Variants in DPY19L4 observed in about 807,000 individuals in gnomAD.
DPY19L4 encodes the protein dpy-19 like 4, also known as probable C-mannosyltransferase DPY19L4.
DPY19L4 carries 97 observed loss-of-function variants against 102.8 expected under a neutral mutation model. The ratio of observed to expected loss-of-function variants is 0.94; its 90% CI spans 0.80 to 1.12. The LOEUF is 1.12. Among genes scored for constraint, DPY19L4 ranks in the 50% most tolerant of loss-of-function variants. The probability of loss-of-function intolerance (pLI) is 0.00; values close to 1 mark genes in which losing one functional copy is unlikely to be tolerated. For missense variants in DPY19L4, 815 were observed against 850.4 expected (o/e 0.96, Z 0.52); for synonymous variants, 252 against 283.1 (o/e 0.89, Z 1.10).
At chr8:94,772,323 A>G (rs1307974496) in intron 13 of DPY19L4, among the ~76,000 whole-genome samples, 1 of 152,174 alleles carries the variant, frequency 6.6e-6, no homozygotes, top group Non-Finnish European at 1.5e-5. Context: ...TACTTCTGTC[A>G]CCAACTGCAA....
In DPY19L4 at chr8:94,790,108, C is replaced by T. The variant is rs1200163138; in HGVS notation, c.*198C>T. On this transcript the variant is annotated 3_prime_UTR_variant, in exon 19 of 19. Coordinates refer to ENST00000414645, the MANE Select transcript of DPY19L4 (RefSeq NM_181787.3). ...ACTGTCCTTTGATTAAATGTGATAT[C>T]TACCACTCTGCAATATTCCAGACAG... The T allele has an allele frequency of 8.4e-6, 4 of 475,712 alleles. No individual in the cohort carries two copies. Among genetic ancestry groups the T allele is most frequent in the African/African-American group, 6.1e-5 (3 of 49,286 alleles). The allele number at this position is 475,712 out of a possible 1,614,324, so 29.5% of individuals were successfully genotyped here. A position where few individuals can be genotyped will look rare whatever the true frequency, so the allele number is the denominator to read the frequency against.
intron 6 of DPY19L4, among the ~76,000 whole-genome samples, chr8:94,747,568 T>C (rs1439396683): frequency 6.8e-6 from 1 of 146,948 alleles, no homozygotes; most frequent in Non-Finnish European, 1.5e-5. Context: ...TTTTTTTTTT[T>C]TTTTTTTTGA....
rs1420876554 is a variant in DPY19L4, at chr8:94,793,552, C to CATT, written c.*3643_*3645dup. The CATT allele has an allele frequency of 1.3e-5, 2 of 152,140 alleles. No individual in the cohort carries two copies. Among genetic ancestry groups the CATT allele is most frequent in the Non-Finnish European group, 2.9e-5 (2 of 68,000 alleles). The allele number at this position is 152,140 out of a possible 1,614,324, so 9.4% of individuals were successfully genotyped here. ...TTTACATCTCAATATATTCTTCTTT[C>CATT]ATTTGCCCAATTTAAAAAATACGTA... On this transcript the variant is annotated 3_prime_UTR_variant, in exon 19 of 19. Coordinates refer to ENST00000414645, the MANE Select transcript of DPY19L4 (RefSeq NM_181787.3).
intron 2 of DPY19L4, among the ~76,000 whole-genome samples, chr8:94,729,592 C>A (rs2130793214): frequency 1.9e-5 from 1 of 52,920 alleles, no homozygotes. Context: ...GAGGAGATTC[C>A]ATCTCAAAAA....
At chr8:94,759,554 T>A (rs1245305701) in intron 7 of DPY19L4, among the ~76,000 whole-genome samples, 1 of 133,536 alleles carries the variant, frequency 7.5e-6, no homozygotes, top group Non-Finnish European at 1.5e-5. Flanking sequence ...TTGCCCAGGC[T>A]AGAGTGCAAT....
intron 1 of DPY19L4, among the ~76,000 whole-genome samples, chr8:94,722,345 T>C (rs1810500183): frequency 6.6e-6 from 1 of 152,024 alleles, no homozygotes; most frequent in Non-Finnish European, 1.5e-5. Context: ...AGGCCGAGGT[T>C]GCAGTGAGAC....
At chr8:94,737,367 G>C (rs937840332) in intron 3 of DPY19L4, among the ~76,000 whole-genome samples, 13 of 151,898 alleles carry the variant, frequency 8.6e-5, no homozygotes, top group Admixed American at 3.3e-4. Context: ...GTAGAGACAG[G>C]GTTTCACCAT....
intron 4 of DPY19L4, 149 bp downstream of exon 4, chr8:94,738,608 G>A (rs575912815): frequency 1.4e-4 from 34 of 247,492 alleles, no homozygotes; most frequent in African/African-American, 7.1e-4. Context: ...TCTGCCTCCC[G>A]GTTCAGGCAA....
At chr8:94,721,724 A>C (rs942006544) in intron 1 of DPY19L4, among the ~76,000 whole-genome samples, 1 of 152,244 alleles carries the variant, frequency 6.6e-6, no homozygotes, top group East Asian at 1.9e-4. Context: ...CAAAATGAAA[A>C]ATTATTTTAG....
At position 94,770,565 on chromosome 8, in the gene DPY19L4, TA is replaced by T. The variant is rs752164058; in HGVS notation, c.1449del (p.Ile483MetfsTer4). 3.1e-6 allele frequency: 5 copies of T among 1,613,212 alleles called. No individual in the cohort carries two copies. Among genetic ancestry groups the T allele is most frequent in the Non-Finnish European group, 4.2e-6 (5 of 1,179,802 alleles). ...TILLGSLAMV[I>X]EGLKYIWIPY... ...TTATTGGGTTCTCTTGCAATGGTTA[TA>T]GAAGGGTAAGTGTACTTTATTTGAT... On this transcript the variant is annotated frameshift_variant, in exon 13 of 19. Transcript: ENST00000414645. LOFTEE classifies it high-confidence loss of function.
chr8:94,776,026 C>CTTTTT (rs1165180641), intron 13 of DPY19L4, among the ~76,000 whole-genome samples: 280 of 81,488 alleles, frequency 3.4e-3, no homozygotes, highest in African/African-American at 4.0e-3. Flanking sequence ...ATTTTTAAAT[C>CTTTTT]TTTTTTTTTT....
chr8:94,756,152 A>T lies in DPY19L4; in HGVS notation c.728A>T (p.Tyr243Phe), dbSNP rs202233131. The T allele has an allele frequency of 6.2e-7, 1 of 1,613,122 alleles. No individual in the cohort carries two copies. The highest frequency in any genetic ancestry group is 1.3e-5 in the African/African-American group (1 of 75,026). Residue 243 changes from tyrosine (Y) to phenylalanine (F), a missense_variant, in exon 7 of 19, where the codon TAT (tyrosine) becomes TTT (phenylalanine). Physicochemically the swap from Tyr to Phe is conservative, Grantham distance 22. Coordinates refer to ENST00000414645, the MANE Select transcript of DPY19L4 (RefSeq NM_181787.3). ...TATTTAAAAAGCAACTTAAATACTT[A>T]TGGAGAGGTAAGATACAAATCTGTT... ...TGYLKSNLNT[Y>F]GERFCYLLMS...
Position 94,738,436 on chromosome 8 carries a change from TA to T in DPY19L4, c.323del (p.Lys108ArgfsTer12). On this transcript the variant is annotated frameshift_variant, in exon 4 of 19. Transcript: ENST00000414645. LOFTEE classifies it high-confidence loss of function. ...AIYYSYYKDM[L>X]KAPSFERGVY... is the part of the protein sequence containing the mutation. ...TATTACTCCTATTATAAAGATATGT[TA>T]AAGGCACCTTCATTTGAAAGAGGTA... 1 of 1,556,906 alleles carries T rather than the reference TA, an allele frequency of 6.4e-7. No individual in the cohort carries two copies. Among genetic ancestry groups the T allele is most frequent in the South Asian group, 1.3e-5 (1 of 78,422 alleles).
chr8:94,777,791 G>A lies in DPY19L4; in HGVS notation c.1575+5G>A. ...ACTGTACACCCAATATTGTTGGTGA[G>A]TCATTATTTTGCATTGTTTCTCTTC... On this transcript the variant is annotated splice_donor_5th_base_variant and intron_variant, in intron 14 of 18. Transcript: ENST00000414645. 1 of 1,602,104 alleles carries A rather than the reference G, an allele frequency of 6.2e-7. No homozygotes were observed. Among genetic ancestry groups the A allele is most frequent in the Non-Finnish European group, 8.5e-7 (1 of 1,174,006 alleles).
chr8:94,755,212 A>T lies in DPY19L4; in HGVS notation c.612-824A>T, dbSNP rs557034917. ...AGATTATTGAATTAGATATCAAAAG[A>T]TAAGCATTTTAATCCCAATTATGCC... On this transcript the variant is annotated intron_variant, in intron 6 of 18. Coordinates refer to ENST00000414645, the MANE Select transcript of DPY19L4 (RefSeq NM_181787.3). 2.0e-5 allele frequency among the ~76,000 whole-genome samples: 3 copies of T among 152,332 alleles called. No individual in the cohort carries two copies. In the East Asian group the frequency reaches 5.8e-4, roughly 29 times the overall value.
At position 94,733,709 on chromosome 8, in the gene DPY19L4, T is replaced by C. The variant is rs7832465; in HGVS notation, c.128-921T>C. Among the ~76,000 whole-genome samples, 1,223 of 151,974 alleles carry C rather than the reference T, an allele frequency of 8.0e-3. 19 individuals carry two copies. Among genetic ancestry groups the C allele is most frequent in the African/African-American group, 0.027 (1,139 of 41,466 alleles). ...GGCACCCGCCACCACACCCAGCTAA[T>C]TTTTGTATTTTTAGTACAGACAGGG... On this transcript the variant is annotated intron_variant, in intron 2 of 18. Coordinates refer to ENST00000414645, the MANE Select transcript of DPY19L4 (RefSeq NM_181787.3).
intron 6 of DPY19L4, among the ~76,000 whole-genome samples, chr8:94,750,057 G>A (rs1811850386): frequency 6.6e-6 from 1 of 152,176 alleles, no homozygotes; most frequent in African/African-American, 2.4e-5. Context: ...GTGGGTTCAA[G>A]TGATTCTCAT....
Position 94,780,384 on chromosome 8 carries a change from C to A in DPY19L4, c.1601C>A (p.Pro534His). Residue 534 changes from proline (P) to histidine (H), a missense_variant, in exon 15 of 19, where the codon CCT becomes CAT. Transcript: ENST00000414645. ...LLALILSMAV[P>H]TIIGLSLWKE... ...GCTCTTATTCTGAGCATGGCCGTGC[C>A]TACTATAATAGGTCTCAGCTTATGG... is the stretch of plus-strand genomic sequence containing the variant. 1 of 1,486,202 alleles carries A rather than the reference C, an allele frequency of 6.7e-7. No homozygotes were observed. Among genetic ancestry groups the A allele is most frequent in the East Asian group, 2.3e-5 (1 of 42,840 alleles). 92.1% of individuals were successfully genotyped at this position (1,486,202 alleles called of 1,614,324 possible).
intron 18 of DPY19L4, among the ~76,000 whole-genome samples, chr8:94,788,414 T>A (rs1043942194): frequency 6.6e-6 from 1 of 152,190 alleles, no homozygotes; most frequent in Non-Finnish European, 1.5e-5. Flanking sequence ...ACTGGTTACC[T>A]TGTTATATTC....
Sources: allele counts gnomAD v4.1 joint callset (sites outside exome capture counted in the v4.1 genomes callset), GRCh38; gene constraint gnomAD v4.1.1; transcripts MANE v1.5; gene names NCBI Gene and HGNC (gene_info 2026-07-23, HGNC 2026-07-21).